The following KLHDC4 variants were observed in gnomAD, a reference collection of about 807,000 sequenced individuals.
KLHDC4 encodes the protein kelch domain-containing protein 4.
In KLHDC4, 90 loss-of-function variants were observed where a neutral mutation model predicts 62.4. That is an observed-to-expected ratio of 1.44 (90% CI 1.22 to 1.72). KLHDC4 has a LOEUF of 1.72. Ranked by LOEUF, KLHDC4 falls within the 40% of genes most tolerant of loss-of-function variation. The probability of loss-of-function intolerance (pLI) is 0.00; values close to 1 mark genes in which losing one functional copy is unlikely to be tolerated. For synonymous variants in KLHDC4, 386 were observed against 284.4 expected, an observed-to-expected ratio of 1.36 and a Z score of -3.59; for missense variants, 1,025 against 699.7, an observed-to-expected ratio of 1.47 and a Z score of -5.25.
At chr16:87,738,067 CAG>C (rs1400058288) in intron 5 of KLHDC4, among the ~76,000 whole-genome samples, 6 of 152,170 alleles carry the variant, frequency 3.9e-5, no homozygotes, top group African/African-American at 1.2e-4. Flanking sequence ...ACTGTGGAGT[CAG>C]AGAGCTTCAG....
chr16:87,724,470 A>G (rs2038991990), intron 7 of KLHDC4, among the ~76,000 whole-genome samples: 1 of 152,214 alleles, frequency 6.6e-6, no homozygotes. Flanking sequence ...ACACACCTGA[A>G]AAGAACTGGT....
At chr16:87,755,100 G>A (rs888325397) in intron 4 of KLHDC4, 94 bp downstream of exon 4, 26 of 817,336 alleles carry the variant, frequency 3.2e-5, no homozygotes, top group African/African-American at 5.1e-5. Context: ...CAGCCCCTCC[G>A]CACCAGCTGC....
chr16:87,711,193 G>C, intron 9 of KLHDC4, 42 bp downstream of exon 9: 3 of 1,605,626 alleles, frequency 1.9e-6, no homozygotes, highest in Middle Eastern at 1.7e-4. Context: ...ACCCAAGTTA[G>C]GGCTGCGCAC....
chr16:87,748,923 AC>A, intron 4 of KLHDC4, 114 bp from the exon 5 acceptor site: 1 of 1,218,866 alleles, frequency 8.2e-7, no homozygotes, highest in Non-Finnish European at 1.1e-6. Flanking sequence ...CTGCAACATG[AC>A]CAGCCCCACA....
intron 5 of KLHDC4, among the ~76,000 whole-genome samples, chr16:87,745,298 G>A (rs938709190): frequency 4.6e-5 from 7 of 151,698 alleles, no homozygotes; most frequent in Admixed American, 1.3e-4. Flanking sequence ...CACCCGCCCC[G>A]GGGCCACCTC....
intron 5 of KLHDC4, among the ~76,000 whole-genome samples, chr16:87,733,212 G>A (rs1416097421): frequency 2.0e-4 from 31 of 152,212 alleles, no homozygotes; most frequent in Non-Finnish European, 1.5e-5. Flanking sequence ...CTTCTACATG[G>A]GTGGTTCTCA....
chr16:87,738,859 G>C (rs1597221329), intron 5 of KLHDC4, among the ~76,000 whole-genome samples: 2 of 50,282 alleles, frequency 4.0e-5, no homozygotes, highest in Non-Finnish European at 7.2e-5. Context: ...CCACACACCA[G>C]CACCTCATCC....
rs910870241 is a variant in KLHDC4 at position 87,709,308 on chromosome 16, C to G, written c.1404G>C (p.Leu468=). Residue 468 remains leucine, a synonymous_variant, in exon 10 of 12, where the codon CTG becomes CTC. Coordinates refer to ENST00000270583, the MANE Select transcript of KLHDC4 (RefSeq NM_017566.4). ...AGGCCTTCCACGCCTCCATCCTGTGCAGGTCCAGGCAGTGCAGGTCGCTGA... is the reference window on the plus strand; with the variant it reads ...AGGCCTTCCACGCCTCCATCCTGTGGAGGTCCAGGCAGTGCAGGTCGCTGA... ...VTLSDLHCLD[L]HRMEAWKALV... is the part of the protein sequence containing the mutation. 5.6e-6 allele frequency: 9 copies of G among 1,613,048 alleles called. No homozygotes were observed. The African/African-American group carries it at 8.0e-5, about 14-fold the overall frequency.
chr16:87,709,260 C>T lies in KLHDC4; in HGVS notation c.1447+5G>A. The T allele has an allele frequency of 6.2e-7, 1 of 1,602,726 alleles. No homozygotes were observed. The highest frequency in any genetic ancestry group is 1.1e-5 in the South Asian group (1 of 90,830). On this transcript the variant is annotated splice_donor_5th_base_variant and intron_variant, in intron 10 of 11. Coordinates refer to ENST00000270583, the MANE Select transcript of KLHDC4 (RefSeq NM_017566.4). Reference sequence around the variant, plus strand: ...GGCACGGAGGCACCAAGCTGCCTGGCTCACCTGGGTCCATCTCCACCAAGG... The same window carrying T: ...GGCACGGAGGCACCAAGCTGCCTGGTTCACCTGGGTCCATCTCCACCAAGG...
chr16:87,740,771 C>A (rs979631055), intron 5 of KLHDC4: 37 of 152,276 alleles, frequency 2.4e-4, no homozygotes, highest in African/African-American at 8.4e-4. Context: ...ATAATTAACA[C>A]CACTGCCCTG....
chr16:87,746,631 G>A (rs1310020807), intron 5 of KLHDC4, among the ~76,000 whole-genome samples: 1 of 152,166 alleles, frequency 6.6e-6, no homozygotes, highest in Non-Finnish European at 1.5e-5. Context: ...GGTTACTTAG[G>A]CCAAGGAGAA....
intron 5 of KLHDC4, chr16:87,740,997 G>A (rs946224306): frequency 6.6e-6 from 1 of 152,122 alleles, no homozygotes; most frequent in Admixed American, 6.6e-5. Flanking sequence ...CCTCCAACGA[G>A]GCACGGATGC....
At chr16:87,735,567 G>A (rs928650025) in intron 5 of KLHDC4, among the ~76,000 whole-genome samples, 2 of 152,200 alleles carry the variant, frequency 1.3e-5, no homozygotes, top group Non-Finnish European at 2.9e-5. Flanking sequence ...AACTTTTTGT[G>A]GCAGTAGCCA....
chr16:87,730,111 G>A (rs1016262712), intron 6 of KLHDC4, among the ~76,000 whole-genome samples: 3 of 152,028 alleles, frequency 2.0e-5, no homozygotes, highest in Non-Finnish European at 2.9e-5. Context: ...CTGCCACCAC[G>A]CCTGGCCAAT....
In KLHDC4 at chr16:87,714,515, G is replaced by A. The variant is rs1247947203; in HGVS notation, c.818C>T (p.Pro273Leu). 7 of 1,614,160 alleles carry A rather than the reference G, an allele frequency of 4.3e-6. No homozygotes were observed. The highest frequency in any genetic ancestry group is 1.3e-5 in the African/African-American group (1 of 75,048). Residue 273 changes from proline to leucine, a missense_variant, in exon 8 of 12, where the codon CCA becomes CTA. Transcript: ENST00000270583. ...TRHSDMFLLK[P>L]EDGREDKWVW... ...ACCTCTACCTTCTCTTCCGTCCTCT[G>A]GCTTCAGCAGGAACATGTCTGAGTG...
At chr16:87,746,660 G>T (rs1233397621) in intron 5 of KLHDC4, among the ~76,000 whole-genome samples, 2 of 152,170 alleles carry the variant, frequency 1.3e-5, no homozygotes, top group Non-Finnish European at 2.9e-5. Context: ...CACCACCAGA[G>T]ACAGATGCCT....
At chr16:87,736,159 T>G (rs1001063110) in intron 5 of KLHDC4, among the ~76,000 whole-genome samples, 2 of 152,190 alleles carry the variant, frequency 1.3e-5, no homozygotes, top group South Asian at 2.1e-4. Flanking sequence ...AGGCACAGCC[T>G]GCCACACGCC....
At chr16:87,707,461 C>T (rs531294455), downstream of KLHDC4, among the ~76,000 whole-genome samples, 1 of 152,316 alleles carries the variant, frequency 6.6e-6, no homozygotes, top group South Asian at 2.1e-4. Flanking sequence ...GCCCCCACCA[C>T]GAGACCCCCG....
chr16:87,709,391 G>C lies in KLHDC4; in HGVS notation c.1321C>G (p.His441Asp), dbSNP rs1245865301. The C allele has an allele frequency of 6.2e-7, 1 of 1,613,416 alleles. No individual in the cohort carries two copies. The highest frequency in any genetic ancestry group is 1.3e-5 in the African/African-American group (1 of 75,056). The change falls in exon 10 of 12, where the codon CAT becomes GAT. Residue 441 changes from histidine (H) to aspartate (D), a missense_variant. Physicochemically the swap from His to Asp is moderately conservative, Grantham distance 81. Coordinates refer to ENST00000270583, the MANE Select transcript of KLHDC4 (RefSeq NM_017566.4). ...PRSNAMLAVK[H>D]GVLYVYGGMF... is the part of the protein sequence containing the mutation. ...CCCCCATAGACGTAGAGCACCCCATGCTTCACAGCCAGCATGGCGTTGGAG... is the reference window on the plus strand; with the variant it reads ...CCCCCATAGACGTAGAGCACCCCATCCTTCACAGCCAGCATGGCGTTGGAG...
Sources: allele counts gnomAD v4.1 joint callset (sites outside exome capture counted in the v4.1 genomes callset), GRCh38; gene constraint gnomAD v4.1.1; transcripts MANE v1.5; gene names NCBI Gene and HGNC (gene_info 2026-07-23, HGNC 2026-07-21).